Variants in ANKRD13C observed in about 807,000 individuals in gnomAD.
ANKRD13C encodes the protein ankyrin repeat domain 13C, also known as ankyrin repeat domain-containing protein 13C.
In ANKRD13C, 16 loss-of-function variants were observed where a neutral mutation model predicts 65.5. The ratio of observed to expected loss-of-function variants is 0.24; its 90% confidence interval spans 0.17 to 0.37. The LOEUF (loss-of-function observed/expected upper bound fraction) is 0.37. Ranked by LOEUF, ANKRD13C falls within the 10% of genes least tolerant of loss-of-function variation. The pLI is 1.00. For missense variants in ANKRD13C, 503 were observed against 655.9 expected, an observed-to-expected ratio of 0.77 and a Z score of 2.55; for synonymous variants, 235 against 238.7, an observed-to-expected ratio of 0.98 and a Z score of 0.14.
rs139667711 is a variant in ANKRD13C, at chr1:70,353,996, C to A, written c.413G>T (p.Gly138Val). 3,684 of 1,536,650 alleles carry A rather than the reference C, an allele frequency of 2.4e-3. 6 individuals are homozygous for A. Among genetic ancestry groups the A allele is most frequent in the Non-Finnish European group, 3.0e-3 (3,397 of 1,141,368 alleles). ...LSSLIRTHNI[G>V]QKDNHGNTPL... Reference sequence around the variant, plus strand: ...CTCCTCACCGTGATTATCTTTCTGCCCGATATTGTGCGTGCGGATGAGAGA... The same window carrying A: ...CTCCTCACCGTGATTATCTTTCTGCACGATATTGTGCGTGCGGATGAGAGA... The change falls in exon 1 of 13, where the codon GGG becomes GTG. Residue 138 changes from glycine to valine, a missense_variant. This residue lies in a region of ANKRD13C where 300 missense variants were observed against 478.3 expected (regional missense o/e 0.63). Coordinates refer to ENST00000370944, the MANE Select transcript of ANKRD13C (RefSeq NM_030816.5).
rs143752195 is a variant in ANKRD13C at position 70,345,638 on chromosome 1, T to C, written c.430+8341A>G. Among the ~76,000 whole-genome samples, 337 of 152,248 alleles carry C rather than the reference T, an allele frequency of 2.2e-3. 2 individuals are homozygous for C. The highest frequency in any genetic ancestry group is 7.8e-3 in the African/African-American group (323 of 41,546). On this transcript the variant is annotated intron_variant, in intron 1 of 12. Coordinates refer to ENST00000370944, the MANE Select transcript of ANKRD13C (RefSeq NM_030816.5). ...AATGTTGACATATTTCACTGTACAA[T>C]AGCAAAAAAACCGTATTTGGCAATA...
At chr1:70,345,803 T>C in intron 1 of ANKRD13C, among the ~76,000 whole-genome samples, 1 of 152,180 alleles carries the variant, frequency 6.6e-6, no homozygotes, top group East Asian at 1.9e-4. Flanking sequence ...CTGTCACTTG[T>C]TTTCCTTGAA....
chr1:70,276,855 A>T lies in ANKRD13C; in HGVS notation c.1216-11T>A, dbSNP rs774310013. On this transcript the variant is annotated splice_polypyrimidine_tract_variant and intron_variant, in intron 9 of 12. Transcript: ENST00000370944. ...CTGTCTTCGAATCGGCTGCCAAAAAAAAAAAAGAAAGAAAGTGGGGTGGGG... is the reference window on the plus strand; with the variant it reads ...CTGTCTTCGAATCGGCTGCCAAAAATAAAAAAGAAAGAAAGTGGGGTGGGG... 13 of 1,583,262 alleles carry T rather than the reference A, an allele frequency of 8.2e-6. No homozygotes were observed. In the African/African-American group the frequency reaches 1.4e-4, roughly 17 times the overall value.
chr1:70,315,437 T>C (rs1681034821), intron 4 of ANKRD13C, 44 bp downstream of exon 4: 5 of 1,516,902 alleles, frequency 3.3e-6, no homozygotes, highest in Non-Finnish European at 2.7e-6. Context: ...ACTACACTTA[T>C]AATTACTTCC....
chr1:70,272,785 T>G (rs1439626712), intron 11 of ANKRD13C, among the ~76,000 whole-genome samples: 4 of 151,556 alleles, frequency 2.6e-5, no homozygotes, highest in Non-Finnish European at 5.9e-5. Flanking sequence ...GGTCAGGAGT[T>G]TGAGACCAGC....
intron 5 of ANKRD13C, among the ~76,000 whole-genome samples, chr1:70,311,542 A>C (rs990040825): frequency 6.6e-6 from 1 of 152,102 alleles, no homozygotes; most frequent in Non-Finnish European, 1.5e-5. Flanking sequence ...GAGAAAAAAA[A>C]CCTAATTCTG....
At chr1:70,292,628 T>A (rs1679908999) in intron 8 of ANKRD13C, 79 bp from the exon 9 acceptor site, 1 of 1,027,134 alleles carries the variant, frequency 9.7e-7, no homozygotes, top group Non-Finnish European at 1.4e-6. Flanking sequence ...TCCATAAATA[T>A]GTAACATGTA....
intron 2 of ANKRD13C, among the ~76,000 whole-genome samples, chr1:70,331,971 T>C (rs923800039): frequency 6.6e-6 from 1 of 152,022 alleles, no homozygotes; most frequent in Non-Finnish European, 1.5e-5. Flanking sequence ...AAGAGAATTA[T>C]ACAAACACAT....
rs1680072400 is a variant in ANKRD13C, at chr1:70,296,118, A to G, written c.1053+12T>C. 1 of 1,609,996 alleles carries G rather than the reference A, an allele frequency of 6.2e-7. No homozygotes were observed. Among genetic ancestry groups the G allele is most frequent in the East Asian group, 2.2e-5 (1 of 44,790 alleles). On this transcript the variant is annotated intron_variant, in intron 8 of 12. Transcript: ENST00000370944. ...CAATGCTTAAAGTTTAAAAATCTAG[A>G]TTTGCACATACTGTTTTATCTTCCC...
intron 9 of ANKRD13C, among the ~76,000 whole-genome samples, chr1:70,280,477 G>C (rs1679339693): frequency 6.6e-6 from 1 of 152,188 alleles, no homozygotes; most frequent in Admixed American, 6.5e-5. Flanking sequence ...GCCAGACACA[G>C]AAGAGAAAAA....
chr1:70,273,027 T>TA (rs1244661729), intron 11 of ANKRD13C, among the ~76,000 whole-genome samples: 4 of 129,242 alleles, frequency 3.1e-5, no homozygotes, highest in African/African-American at 8.7e-5. Context: ...ATAAATAAAA[T>TA]AATAAAATAA....
At chr1:70,322,733 C>T (rs1275576665) in intron 3 of ANKRD13C, among the ~76,000 whole-genome samples, 1 of 152,154 alleles carries the variant, frequency 6.6e-6, no homozygotes, top group African/African-American at 2.4e-5. Context: ...TGGCTCACAC[C>T]TGTAACCCCA....
intron 12 of ANKRD13C, among the ~76,000 whole-genome samples, chr1:70,264,726 T>C (rs1188156441): frequency 6.6e-6 from 1 of 152,054 alleles, no homozygotes; most frequent in Non-Finnish European, 1.5e-5. Context: ...ACAAAATTCA[T>C]GCAATTATAG....
At position 70,324,031 on chromosome 1, in the gene ANKRD13C, A is replaced by G. The variant is rs1479045436; in HGVS notation, c.577+822T>C. ...GTGAGCCACCGTGCCCAGCCTGCCAAATCTTAAGAAAGCACCCAGAAGAGC... is the reference window on the plus strand; with the variant it reads ...GTGAGCCACCGTGCCCAGCCTGCCAGATCTTAAGAAAGCACCCAGAAGAGC... On this transcript the variant is annotated intron_variant, in intron 3 of 12. Coordinates refer to ENST00000370944, the MANE Select transcript of ANKRD13C (RefSeq NM_030816.5). Among the ~76,000 whole-genome samples the G allele has an allele frequency of 2.6e-5, 4 of 152,062 alleles. No individual in the cohort carries two copies. The East Asian group carries it at 7.7e-4, about 29-fold the overall frequency.
At chr1:70,269,321 T>C (rs1678777980) in intron 12 of ANKRD13C, among the ~76,000 whole-genome samples, 1 of 152,192 alleles carries the variant, frequency 6.6e-6, no homozygotes, top group South Asian at 2.1e-4. Context: ...ATGAAAATAT[T>C]TCCTTTGCAT....
chr1:70,297,742 C>G (rs1479415719), intron 7 of ANKRD13C, among the ~76,000 whole-genome samples: 2 of 149,884 alleles, frequency 1.3e-5, no homozygotes, highest in African/African-American at 4.9e-5. Context: ...GGTGAAACCC[C>G]GTCTCTACTA....
rs559191464 is a variant in ANKRD13C, at chr1:70,318,808, G to C, written c.578-3242C>G. Among the ~76,000 whole-genome samples the C allele has an allele frequency of 6.0e-5, 9 of 149,448 alleles. No individual in the cohort carries two copies. In the East Asian group the frequency reaches 1.6e-3, roughly 27 times the overall value. ...AGCTATTCTCCTGCCTCAGTCTCCA[G>C]AGTAGCTGGGACTACAGGTGTGCGC... On this transcript the variant is annotated intron_variant, in intron 3 of 12. Coordinates refer to ENST00000370944, the MANE Select transcript of ANKRD13C (RefSeq NM_030816.5).
intron 2 of ANKRD13C, among the ~76,000 whole-genome samples, chr1:70,328,333 C>T (rs1025794138): frequency 6.6e-6 from 1 of 152,042 alleles, no homozygotes; most frequent in African/African-American, 2.4e-5. Flanking sequence ...TTCATCTGCT[C>T]AACACAGAAG....
chr1:70,276,025 A>G lies in ANKRD13C; in HGVS notation c.1295+740T>C, dbSNP rs142998318. ...TGGAAACATCTTGGAGAATTCAGAA[A>G]AATATAACAAAACTTTCAATAAGAA... On this transcript the variant is annotated intron_variant, in intron 10 of 12. Coordinates refer to ENST00000370944, the MANE Select transcript of ANKRD13C (RefSeq NM_030816.5). Among the ~76,000 whole-genome samples the G allele has an allele frequency of 9.2e-3, 1,401 of 151,754 alleles. 11 individuals carry two copies. Among genetic ancestry groups the G allele is most frequent in the Non-Finnish European group, 0.015 (1,009 of 67,904 alleles).
Sources: allele counts gnomAD v4.1 joint callset (sites outside exome capture counted in the v4.1 genomes callset), GRCh38; gene constraint gnomAD v4.1.1; regional missense constraint gnomAD v4.1.1; transcripts MANE v1.5; gene names NCBI Gene and HGNC (gene_info 2026-07-23, HGNC 2026-07-21).